Variants in CACNA2D3 observed in about 807,000 individuals in gnomAD.
CACNA2D3 encodes voltage-dependent calcium channel subunit alpha-2/delta-3.
Under a neutral mutation model 160.6 loss-of-function variants are expected in CACNA2D3, and 60 were observed. That is an observed-to-expected ratio of 0.37 (90% CI 0.30 to 0.46). The LOEUF is 0.46. CACNA2D3 is among the 20% of genes least tolerant of loss of function. The pLI is 1.00. For missense variants in CACNA2D3, 1,205 were observed against 1,365.0 expected (o/e 0.88, Z 1.85); for synonymous variants, 558 against 492.9 (o/e 1.13, Z -1.75).
At chr3:54,167,999 C>T (rs747971598) in intron 2 of CACNA2D3, among the ~76,000 whole-genome samples, 2 of 152,156 alleles carry the variant, frequency 1.3e-5, no homozygotes, top group South Asian at 2.1e-4. Flanking sequence ...TTCTTCAGTC[C>T]ACTGTCTTCT....
At chr3:54,371,766 A>AT (rs1465596095) in intron 3 of CACNA2D3, among the ~76,000 whole-genome samples, 1 of 152,196 alleles carries the variant, frequency 6.6e-6, no homozygotes, top group Non-Finnish European at 1.5e-5. Context: ...CTGTCACTTT[A>AT]TTTTTTGTTC....
chr3:54,375,412 T>G (rs998634229), intron 3 of CACNA2D3, among the ~76,000 whole-genome samples: 1 of 152,198 alleles, frequency 6.6e-6, no homozygotes, highest in African/African-American at 2.4e-5. Context: ...CAGTGCTGCT[T>G]TGAGCACAAA....
At chr3:54,448,373 G>A (rs998893317) in intron 4 of CACNA2D3, among the ~76,000 whole-genome samples, 3 of 152,196 alleles carry the variant, frequency 2.0e-5, no homozygotes, top group Admixed American at 2.0e-4. Flanking sequence ...ATCTCCTCTA[G>A]TTCTGTGTTT....
At chr3:54,527,041 G>A (rs149822951) in intron 5 of CACNA2D3, among the ~76,000 whole-genome samples, 196 of 152,278 alleles carry the variant, frequency 1.3e-3, no homozygotes, top group African/African-American at 3.7e-3. Context: ...AAACCATGCC[G>A]TGGGGCATGA....
At chr3:54,681,547 ACT>A (rs925240379) in intron 11 of CACNA2D3, among the ~76,000 whole-genome samples, 9 of 147,558 alleles carry the variant, frequency 6.1e-5, no homozygotes, top group Non-Finnish European at 1.3e-4. Context: ...ACAGAGTGAG[ACT>A]CCATCTCAAA....
chr3:54,326,965 C>G (rs1309067379), intron 3 of CACNA2D3, among the ~76,000 whole-genome samples: 1 of 151,952 alleles, frequency 6.6e-6, no homozygotes, highest in Non-Finnish European at 1.5e-5. Flanking sequence ...TAAACTGGGT[C>G]GCTTGCAAAA....
chr3:54,391,894 T>C lies in CACNA2D3; in HGVS notation c.381+5120T>C, dbSNP rs116391959. On this transcript the variant is annotated intron_variant, in intron 4 of 37. Coordinates refer to ENST00000474759, the MANE Select transcript of CACNA2D3 (RefSeq NM_018398.3). Reference sequence around the variant, plus strand: ...TTTCTGGTGGCCTGTGGGTTCTAGATTGGCCTTCTCTTGGTGTAGTTCTTT... The same window carrying C: ...TTTCTGGTGGCCTGTGGGTTCTAGACTGGCCTTCTCTTGGTGTAGTTCTTT... Among the ~76,000 whole-genome samples the C allele has an allele frequency of 8.4e-3, 1,275 of 152,276 alleles. 16 individuals are homozygous for C. The highest frequency in any genetic ancestry group is 0.029 in the African/African-American group (1,190 of 41,548).
At chr3:54,325,100 A>G (rs190164872) in intron 3 of CACNA2D3, among the ~76,000 whole-genome samples, 1 of 149,554 alleles carries the variant, frequency 6.7e-6, no homozygotes, top group Admixed American at 6.6e-5. Context: ...CCAGCCCTTC[A>G]GGGGGAGTAG....
chr3:54,781,757 A>G (rs2107130844), intron 13 of CACNA2D3, among the ~76,000 whole-genome samples: 1 of 152,362 alleles, frequency 6.6e-6, no homozygotes, highest in African/African-American at 2.4e-5. Context: ...ATTAGCAAGT[A>G]TGCACAAAAG....
intron 9 of CACNA2D3, among the ~76,000 whole-genome samples, chr3:54,593,021 T>G (rs982814722): frequency 6.6e-6 from 1 of 152,174 alleles, no homozygotes; most frequent in African/African-American, 2.4e-5. Context: ...AAAGTAGCCC[T>G]TCTGCACATG....
chr3:54,209,987 A>G (rs762668608), intron 2 of CACNA2D3, among the ~76,000 whole-genome samples: 3 of 152,198 alleles, frequency 2.0e-5, no homozygotes, highest in Non-Finnish European at 4.4e-5. Flanking sequence ...TTTATAGGGC[A>G]TCTACTATAT....
intron 13 of CACNA2D3, among the ~76,000 whole-genome samples, chr3:54,765,179 C>G (rs1311430780): frequency 6.6e-6 from 1 of 152,110 alleles, no homozygotes; most frequent in South Asian, 2.1e-4. Flanking sequence ...GCTTTTCTCT[C>G]CCTGGGCTCT....
intron 28 of CACNA2D3, among the ~76,000 whole-genome samples, chr3:54,969,555 T>C (rs1412456622): frequency 6.6e-6 from 1 of 152,162 alleles, no homozygotes; most frequent in Non-Finnish European, 1.5e-5. Flanking sequence ...CCACTGTGCC[T>C]GCCCCACCCC....
At chr3:54,808,604 A>C (rs1703197504) in intron 13 of CACNA2D3, among the ~76,000 whole-genome samples, 2 of 152,126 alleles carry the variant, frequency 1.3e-5, no homozygotes, top group Admixed American at 6.6e-5. Flanking sequence ...TAATGTCCAG[A>C]TCATGGGGCT....
At chr3:54,259,436 A>G (rs1702364472) in intron 2 of CACNA2D3, among the ~76,000 whole-genome samples, 1 of 152,234 alleles carries the variant, frequency 6.6e-6, no homozygotes, top group African/African-American at 2.4e-5. Flanking sequence ...CAGATTTAAT[A>G]GAAAAAAAAA....
chr3:54,877,804 A>G (rs1274838440), intron 18 of CACNA2D3, among the ~76,000 whole-genome samples: 1 of 152,096 alleles, frequency 6.6e-6, no homozygotes, highest in Non-Finnish European at 1.5e-5. Flanking sequence ...GGGGAATGTG[A>G]GAGGAGAAGG....
At chr3:54,840,836 C>G (rs1437199393) in intron 16 of CACNA2D3, among the ~76,000 whole-genome samples, 1 of 151,074 alleles carries the variant, frequency 6.6e-6, no homozygotes, top group Admixed American at 6.6e-5. Context: ...CATTCTCCTG[C>G]CTCAGCCCCC....
intron 16 of CACNA2D3, among the ~76,000 whole-genome samples, chr3:54,843,342 C>G (rs1468904533): frequency 6.6e-6 from 1 of 152,132 alleles, no homozygotes; most frequent in Non-Finnish European, 1.5e-5. Context: ...TCAGGAGAGC[C>G]TTTTTACAAG....
chr3:54,586,492 T>C (rs1447545422), intron 9 of CACNA2D3, among the ~76,000 whole-genome samples: 3 of 152,104 alleles, frequency 2.0e-5, no homozygotes, highest in African/African-American at 7.2e-5. Context: ...CCTAAGTGTG[T>C]TTGGATCAAA....
Sources: gnomAD v4.1 joint callset for allele counts (sites outside exome capture counted in the v4.1 genomes callset) on GRCh38, gnomAD v4.1.1 for gene constraint, MANE v1.5 for transcripts, NCBI Gene and HGNC (gene_info 2026-07-23, HGNC 2026-07-21) for gene names.